The following GPHN variants were observed in gnomAD, a reference collection of about 807,000 sequenced individuals.
GPHN encodes the protein gephyrin.
In GPHN, 17 loss-of-function variants were observed where a neutral mutation model predicts 95.5. The observed-to-expected ratio is 0.18, with a 90% CI of 0.12 to 0.27. The LOEUF (loss-of-function observed/expected upper bound fraction) is 0.27, where lower values mean the gene tolerates loss of function less well. Among genes scored for constraint, GPHN ranks in the 10% least tolerant of loss-of-function variants. The pLI is 1.00. For synonymous variants in GPHN, 320 were observed against 322.5 expected, an observed-to-expected ratio of 0.99 and a Z score of 0.08; for missense variants, 660 against 978.1, an observed-to-expected ratio of 0.67 and a Z score of 4.34.
the GPHN span, among the ~76,000 whole-genome samples, chr14:67,397,311 A>G: frequency 7.9e-5 from 12 of 152,210 alleles, no homozygotes; most frequent in South Asian, 4.1e-4. Context: ...GATGAAAGCC[A>G]TCATAGTGAA....
intron 3 of GPHN, among the ~76,000 whole-genome samples, chr14:66,787,145 T>G (rs1595898891): frequency 6.6e-6 from 1 of 152,160 alleles, no homozygotes; most frequent in African/African-American, 2.4e-5. Context: ...TCATTTTAGC[T>G]GCTTTGTGGC....
chr14:66,862,674 A>T (rs1567032679), intron 4 of GPHN, among the ~76,000 whole-genome samples: 1 of 152,124 alleles, frequency 6.6e-6, no homozygotes, highest in Non-Finnish European at 1.5e-5. Context: ...GCGTACAAGG[A>T]TGGTTCAACC....
the GPHN span, chr14:67,364,653 C>T: frequency 2.8e-6 from 3 of 1,078,944 alleles, no homozygotes; most frequent in South Asian, 1.7e-5. Flanking sequence ...AAGACTAAGA[C>T]TAATAACTAT....
At chr14:67,693,861 G>C in the GPHN span, among the ~76,000 whole-genome samples, 1 of 152,120 alleles carries the variant, frequency 6.6e-6, no homozygotes, top group African/African-American at 2.4e-5. Flanking sequence ...ACGCTGGCCA[G>C]GATGGTCTCG....
At chr14:66,877,984 G>A (rs1455080967) in intron 4 of GPHN, among the ~76,000 whole-genome samples, 1 of 152,098 alleles carries the variant, frequency 6.6e-6, no homozygotes, top group Non-Finnish European at 1.5e-5. Flanking sequence ...ATACTACAAG[G>A]CTGCAGTAAC....
chr14:67,139,327 G>A (rs867621289), intron 17 of GPHN, among the ~76,000 whole-genome samples: 4 of 152,010 alleles, frequency 2.6e-5, no homozygotes, highest in South Asian at 2.1e-4. Context: ...CTTGAACTCC[G>A]GGGCTCAAGC....
At chr14:66,605,787 C>G (rs1467586337) in intron 1 of GPHN, among the ~76,000 whole-genome samples, 1 of 152,084 alleles carries the variant, frequency 6.6e-6, no homozygotes, top group Non-Finnish European at 1.5e-5. Context: ...CCGCCTCGGC[C>G]TCCCAAAGTG....
chr14:67,382,586 T>C, the GPHN span: 3 of 1,613,808 alleles, frequency 1.9e-6, no homozygotes, highest in Admixed American at 5.0e-5. Flanking sequence ...AATGTTCAAA[T>C]GGAGGTGAGA....
chr14:67,442,274 AGGG>A, the GPHN span, among the ~76,000 whole-genome samples: 1 of 152,224 alleles, frequency 6.6e-6, no homozygotes, highest in East Asian at 1.9e-4. Context: ...CACTGAACCA[AGGG>A]GTACACATTG....
chr14:67,279,234 G>A, the GPHN span: 2 of 1,612,802 alleles, frequency 1.2e-6, no homozygotes, highest in Non-Finnish European at 1.7e-6. Flanking sequence ...AAAAAATGTT[G>A]ATCTTGCATC....
chr14:67,574,883 T>C, the GPHN span, among the ~76,000 whole-genome samples: 12 of 152,210 alleles, frequency 7.9e-5, no homozygotes, highest in African/African-American at 2.9e-4. This position sits in a 1 kb window ranked among gnomAD's most constrained non-coding sequence, Gnocchi z 4.2. Flanking sequence ...GTACATTAGC[T>C]AGACCAGAAC....
chr14:66,537,496 T>C (rs1339051722), intron 1 of GPHN, among the ~76,000 whole-genome samples: 1 of 152,172 alleles, frequency 6.6e-6, no homozygotes, highest in Non-Finnish European at 1.5e-5. Flanking sequence ...ATGCAAAACT[T>C]AGGACAGTTT....
the GPHN span, among the ~76,000 whole-genome samples, chr14:67,639,657 A>T: frequency 2.6e-5 from 4 of 152,176 alleles, no homozygotes; most frequent in African/African-American, 9.7e-5. Flanking sequence ...GCAGTGGCTC[A>T]TGCCTGTAAT....
the GPHN span, among the ~76,000 whole-genome samples, chr14:67,443,586 A>G: frequency 6.6e-6 from 1 of 152,070 alleles, no homozygotes; most frequent in South Asian, 2.1e-4. Context: ...AGGAAAAAAA[A>G]AAAGAAAGAA....
chr14:66,575,648 G>C (rs2060872071), intron 1 of GPHN, among the ~76,000 whole-genome samples: 1 of 152,148 alleles, frequency 6.6e-6, no homozygotes, highest in African/African-American at 2.4e-5. Flanking sequence ...CGGGTGCCCA[G>C]ACACAACCAG....
chr14:67,258,900 G>A, the GPHN span, among the ~76,000 whole-genome samples: 4 of 152,034 alleles, frequency 2.6e-5, no homozygotes, highest in Non-Finnish European at 5.9e-5. Context: ...AGAGTGCAGT[G>A]GTGTGATCTC....
the GPHN span, among the ~76,000 whole-genome samples, chr14:67,523,716 A>G: frequency 1.3e-5 from 2 of 152,208 alleles, no homozygotes; most frequent in Non-Finnish European, 2.9e-5. Flanking sequence ...GTAAATACAC[A>G]CTTCTTTTTG....
the GPHN span, among the ~76,000 whole-genome samples, chr14:67,396,315 T>G: frequency 8.2e-4 from 125 of 151,588 alleles, no homozygotes; most frequent in Non-Finnish European, 1.3e-3. Context: ...GCCTGGCTAA[T>G]TTTTGTATTT....
chr14:67,223,774 T>C, the GPHN span: 1 of 985,520 alleles, frequency 1.0e-6, no homozygotes, highest in East Asian at 1.1e-4. Context: ...TTTTCAGTTT[T>C]TCCCCTGATT....
Sources: allele counts gnomAD v4.1 joint callset (sites outside exome capture counted in the v4.1 genomes callset), GRCh38; gene constraint gnomAD v4.1.1; non-coding constraint Gnocchi (gnomAD v3.1); transcripts MANE v1.5; gene names NCBI Gene and HGNC (gene_info 2026-07-23, HGNC 2026-07-21).